ESRRG: variants seen among roughly 807,000 people sequenced by gnomAD.
ESRRG encodes the protein estrogen-related receptor gamma.
ESRRG carries 13 observed loss-of-function variants against 44.0 expected under a neutral mutation model. The observed-to-expected ratio is 0.30, with a 90% CI of 0.19 to 0.47. ESRRG has a LOEUF of 0.47. Among genes scored for constraint, ESRRG ranks in the 20% least tolerant of loss-of-function variants. The pLI is 1.00. For synonymous variants in ESRRG, 215 were observed against 214.6 expected (o/e 1.00, Z -0.02); for missense variants, 395 against 580.6 (o/e 0.68, Z 3.29).
intron 2 of ESRRG, among the ~76,000 whole-genome samples, chr1:216,737,408 G>GA (rs869200722): frequency 1.7e-3 from 1 of 586 alleles, no homozygotes; most frequent in Admixed American, 0.038. Flanking sequence ...TTGTTGCTAA[G>GA]GGATTAAATG....
chr1:216,660,316 A>G (rs369261299), intron 2 of ESRRG, among the ~76,000 whole-genome samples: 1 of 152,206 alleles, frequency 6.6e-6, no homozygotes, highest in African/African-American at 2.4e-5. Context: ...AAATACTTAG[A>G]TATCAATACC....
chr1:216,589,023 A>G (rs943778732), intron 3 of ESRRG, among the ~76,000 whole-genome samples: 2 of 152,196 alleles, frequency 1.3e-5, no homozygotes, highest in African/African-American at 4.8e-5. Flanking sequence ...TAAAGGAAAG[A>G]AAAACAGTGC....
At chr1:217,104,127 C>G (rs1247747845) in intron 1 of ESRRG, among the ~76,000 whole-genome samples, 1 of 152,202 alleles carries the variant, frequency 6.6e-6, no homozygotes, top group Non-Finnish European at 1.5e-5. Context: ...CCTTGTTAAG[C>G]TTCACAGATT....
At chr1:217,051,216 G>GGT (rs1333212428) in intron 1 of ESRRG, among the ~76,000 whole-genome samples, 2 of 116,624 alleles carry the variant, frequency 1.7e-5, no homozygotes, top group African/African-American at 6.0e-5. Context: ...GGGGGGGGGG[G>GGT]TGCCAGGGGA....
intron 2 of ESRRG, among the ~76,000 whole-genome samples, chr1:216,908,969 GA>G (rs2060002804): frequency 6.6e-6 from 1 of 152,012 alleles, no homozygotes; most frequent in African/African-American, 2.4e-5. Context: ...AACAGATAAA[GA>G]GGGGATTAAA....
In ESRRG at chr1:216,562,279, T is replaced by C. The variant is rs1042880972; in HGVS notation, c.862+1940A>G. 2.6e-5 allele frequency among the ~76,000 whole-genome samples: 4 copies of C among 152,194 alleles called. No homozygotes were observed. The East Asian group carries it at 7.7e-4, about 29-fold the overall frequency. ...GTTGTTAATAACAATATTATCATCA[T>C]TATCATTTTGAAATAGGTTTTTTAA... is the stretch of plus-strand genomic sequence containing the variant. On this transcript the variant is annotated intron_variant, in intron 5 of 6. Transcript: ENST00000408911.
chr1:217,021,512 G>A (rs2080325097), intron 1 of ESRRG, among the ~76,000 whole-genome samples: 1 of 152,198 alleles, frequency 6.6e-6, no homozygotes. Flanking sequence ...AGATTGATGG[G>A]ATTGGAGCAA....
intron 6 of ESRRG, among the ~76,000 whole-genome samples, chr1:216,514,697 C>T (rs1293193083): frequency 6.6e-6 from 1 of 151,954 alleles, no homozygotes; most frequent in Non-Finnish European, 1.5e-5. Context: ...ACAGAAGGTC[C>T]CACCTTCTGC....
intron 6 of ESRRG, among the ~76,000 whole-genome samples, chr1:216,512,520 T>A (rs2043015479): frequency 6.6e-6 from 1 of 152,110 alleles, no homozygotes; most frequent in Admixed American, 6.6e-5. Context: ...CACATTTATT[T>A]AAAAAAACTA....
intron 2 of ESRRG, among the ~76,000 whole-genome samples, chr1:216,732,703 C>T (rs2089085491): frequency 6.6e-6 from 1 of 151,770 alleles, no homozygotes; most frequent in South Asian, 2.1e-4. Context: ...ACTCCGGAGG[C>T]TAAGGGAGGA....
Position 216,945,912 on chromosome 1 carries a change from C to T in ESRRG, c.-105-6239G>A, listed in dbSNP as rs141332457. Among the ~76,000 whole-genome samples, 300 of 151,940 alleles carry T rather than the reference C, an allele frequency of 2.0e-3. 1 individual carries two copies. The highest frequency in any genetic ancestry group is 7.0e-3 in the African/African-American group (289 of 41,418). On this transcript the variant is annotated intron_variant, in intron 1 of 7. Coordinates refer to the ESRRG transcript ENST00000359162. ...GCCTCAGTTCTGTTTTTTTGGCAGA[C>T]CACAGTTAAGGAAAAATTCAATAGA...
chr1:216,797,947 A>C (rs550522044), intron 2 of ESRRG, among the ~76,000 whole-genome samples: 30 of 152,126 alleles, frequency 2.0e-4, no homozygotes, highest in Non-Finnish European at 4.4e-4. Context: ...GATTATTTGG[A>C]ATTTTTCTCA....
intron 5 of ESRRG, among the ~76,000 whole-genome samples, chr1:216,554,646 T>A (rs1166680404): frequency 3.9e-5 from 6 of 152,080 alleles, no homozygotes; most frequent in Non-Finnish European, 7.4e-5. Flanking sequence ...TTAAAAAAAC[T>A]AATTTGTAAA....
chr1:217,098,933 A>G (rs2092464201), intron 1 of ESRRG, among the ~76,000 whole-genome samples: 1 of 152,210 alleles, frequency 6.6e-6, no homozygotes, highest in Non-Finnish European at 1.5e-5. Context: ...GATTTAAAAC[A>G]GAAACATCAC....
At chr1:216,691,972 G>T (rs1185225980) in intron 1 of ESRRG, among the ~76,000 whole-genome samples, 2 of 152,092 alleles carry the variant, frequency 1.3e-5, no homozygotes, top group South Asian at 2.1e-4. Context: ...ACATTGCACT[G>T]CCAGTCATAT....
intron 2 of ESRRG, among the ~76,000 whole-genome samples, chr1:216,766,377 C>A (rs964272567): frequency 1.3e-5 from 2 of 151,876 alleles, no homozygotes; most frequent in African/African-American, 4.8e-5. Context: ...AGAGAGTGGG[C>A]GAAAATCATC....
chr1:216,664,576 G>A (rs1290857062), intron 2 of ESRRG, among the ~76,000 whole-genome samples: 1 of 150,750 alleles, frequency 6.6e-6, no homozygotes, highest in Non-Finnish European at 1.5e-5. Context: ...TTATGGATAA[G>A]CCTAAGGTGA....
At chr1:216,798,962 T>TGG (rs2094544045) in intron 2 of ESRRG, among the ~76,000 whole-genome samples, 1 of 152,144 alleles carries the variant, frequency 6.6e-6, no homozygotes, top group African/African-American at 2.4e-5. Flanking sequence ...GATTTAGACC[T>TGG]AAATCAGCTG....
intron 2 of ESRRG, among the ~76,000 whole-genome samples, chr1:216,935,619 A>T (rs1388909163): frequency 1.4e-5 from 2 of 145,496 alleles, no homozygotes; most frequent in African/African-American, 2.5e-5. Flanking sequence ...ACAGTTTAGG[A>T]ATTTTTTTTT....
Sources: allele counts gnomAD v4.1 joint callset (sites outside exome capture counted in the v4.1 genomes callset), GRCh38; gene constraint gnomAD v4.1.1; transcripts MANE v1.5; gene names NCBI Gene and HGNC (gene_info 2026-07-23, HGNC 2026-07-21).